Variants in LOC400499 observed in about 807,000 individuals in gnomAD.
chr16:11,402,637 C>T, the LOC400499 span, among the ~76,000 whole-genome samples: 6 of 152,140 alleles, frequency 3.9e-5, no homozygotes, highest in Non-Finnish European at 7.4e-5. Context: ...GATGTCCTAG[C>T]GCAGCTGACA....
At chr16:11,486,571 T>C in the LOC400499 span, among the ~76,000 whole-genome samples, 1 of 66,274 alleles carries the variant, frequency 1.5e-5, no homozygotes, top group Admixed American at 2.2e-4. Context: ...GGTGGATGAA[T>C]GGATGATGGA....
At chr16:11,455,857 T>C in the LOC400499 span, among the ~76,000 whole-genome samples, 1 of 152,102 alleles carries the variant, frequency 6.6e-6, no homozygotes, top group African/African-American at 2.4e-5. Context: ...TTAAACTTTA[T>C]AAACTTTAAT....
the LOC400499 span, among the ~76,000 whole-genome samples, chr16:11,402,741 G>A: frequency 1.3e-5 from 2 of 152,202 alleles, no homozygotes; most frequent in African/African-American, 4.8e-5. Flanking sequence ...AGGAAGACCA[G>A]AAAAGCTGCC....
At chr16:11,496,092 G>A in the LOC400499 span, among the ~76,000 whole-genome samples, 1 of 149,230 alleles carries the variant, frequency 6.7e-6, no homozygotes, top group Non-Finnish European at 1.5e-5. Flanking sequence ...TCGAGATGGA[G>A]TCTTGCTCTT....
the LOC400499 span, among the ~76,000 whole-genome samples, chr16:11,414,839 T>C: frequency 6.6e-6 from 1 of 152,198 alleles, no homozygotes; most frequent in African/African-American, 2.4e-5. Flanking sequence ...CCAGGCATCC[T>C]CCATCCCATC....
At chr16:11,423,409 G>A in the LOC400499 span, among the ~76,000 whole-genome samples, 1,827 of 152,320 alleles carry the variant, frequency 0.012, 46 homozygotes, top group African/African-American at 0.041. Flanking sequence ...GGGACTTGAG[G>A]GCGAAGCCAC....
chr16:11,383,071 CT>C, the LOC400499 span, among the ~76,000 whole-genome samples: 89 of 144,988 alleles, frequency 6.1e-4, no homozygotes, highest in East Asian at 1.4e-3. Context: ...GTGCCAGGGT[CT>C]TTTTTTTTTT....
chr16:11,449,669 C>T, the LOC400499 span, among the ~76,000 whole-genome samples: 1 of 152,220 alleles, frequency 6.6e-6, no homozygotes, highest in Non-Finnish European at 1.5e-5. Flanking sequence ...CGTGGCTGAG[C>T]CTCCAACCCA....
chr16:11,446,686 G>A, the LOC400499 span: 3 of 1,532,390 alleles, frequency 2.0e-6, no homozygotes, highest in East Asian at 2.5e-5. Flanking sequence ...GGAGTGAGGA[G>A]GCAGCTGGGG....
chr16:11,438,981 C>T, the LOC400499 span, among the ~76,000 whole-genome samples: 6 of 152,118 alleles, frequency 3.9e-5, no homozygotes, highest in Admixed American at 6.5e-5. Context: ...CTCCTGAGGG[C>T]CTCATCCCTG....
the LOC400499 span, among the ~76,000 whole-genome samples, chr16:11,389,220 C>A: frequency 6.6e-6 from 1 of 152,206 alleles, no homozygotes; most frequent in African/African-American, 2.4e-5. Flanking sequence ...CCAGTCATGG[C>A]CACACCGTTT....
the LOC400499 span, chr16:11,414,653 G>C: frequency 2.5e-6 from 1 of 398,102 alleles, no homozygotes; most frequent in Non-Finnish European, 4.4e-6. Flanking sequence ...CACAGCGTGG[G>C]TGCTGGGTGG....
chr16:11,467,724 C>G, the LOC400499 span, among the ~76,000 whole-genome samples: 1 of 152,206 alleles, frequency 6.6e-6, no homozygotes, highest in Non-Finnish European at 1.5e-5. Flanking sequence ...TATCACTCAC[C>G]TGATAGACAA....
the LOC400499 span, among the ~76,000 whole-genome samples, chr16:11,386,925 G>T: frequency 5.3e-5 from 8 of 152,180 alleles, no homozygotes; most frequent in Admixed American, 2.0e-4. Context: ...CCCTCTGCAG[G>T]GCCAAGACTT....
the LOC400499 span, chr16:11,391,939 G>C: frequency 2.7e-6 from 2 of 734,932 alleles, no homozygotes; most frequent in Non-Finnish European, 3.8e-6. Context: ...CTGGTGAGTG[G>C]GGGCTACAAG....
chr16:11,384,019 G>C, the LOC400499 span: 1 of 1,231,800 alleles, frequency 8.1e-7, no homozygotes, highest in Non-Finnish European at 1.0e-6. Flanking sequence ...CTGGCAGGAT[G>C]GATGCAAGAC....
At chr16:11,496,888 ATG>A in the LOC400499 span, among the ~76,000 whole-genome samples, 3,470 of 144,262 alleles carry the variant, frequency 0.024, 52 homozygotes, top group Middle Eastern at 0.079. Flanking sequence ...GTATGCCTCA[ATG>A]TGTGTGTGTG....
the LOC400499 span, chr16:11,488,720 G>T: frequency 2.5e-6 from 1 of 398,994 alleles, no homozygotes; most frequent in Non-Finnish European, 4.4e-6. Flanking sequence ...TGATCGGAAG[G>T]TGACATCAGA....
At chr16:11,462,211 G>C in the LOC400499 span, 3 of 1,534,708 alleles carry the variant, frequency 2.0e-6, no homozygotes, top group Non-Finnish European at 2.6e-6. Context: ...CGGTGAAGAC[G>C]ACGGGGCTGC....
Sources: gnomAD v4.1 joint callset for allele counts (sites outside exome capture counted in the v4.1 genomes callset) on GRCh38, gnomAD v4.1.1 for gene constraint, MANE v1.5 for transcripts.